The following TP63 variants were observed in gnomAD, a reference collection of about 807,000 sequenced individuals.
TP63 encodes tumor protein p63, also known as tumor protein 63.
A neutral mutation model predicts 82.8 loss-of-function variants in TP63; 17 were observed. The ratio of observed to expected loss-of-function variants is 0.21; its 90% CI spans 0.14 to 0.31. TP63 has a LOEUF of 0.31. TP63 is among the 10% of genes least tolerant of loss of function. The pLI is 1.00. For missense variants in TP63, 648 were observed against 895.3 expected (o/e 0.72, Z 3.52); for synonymous variants, 330 against 321.7 (o/e 1.03, Z -0.28).
intron 4 of TP63, among the ~76,000 whole-genome samples, chr3:189,835,457 G>C (rs1278528046): frequency 6.6e-6 from 1 of 152,096 alleles, no homozygotes; most frequent in Admixed American, 6.5e-5. Context: ...CAAATGAATA[G>C]AAATACTTAC....
chr3:189,875,652 T>C (rs1719126072), intron 10 of TP63, among the ~76,000 whole-genome samples: 1 of 120,378 alleles, frequency 8.3e-6, no homozygotes, highest in African/African-American at 3.1e-5. Context: ...TATTCTTAGC[T>C]TGCTGTAGTT....
chr3:189,755,531 A>G (rs1722125477), intron 3 of TP63, among the ~76,000 whole-genome samples: 1 of 151,994 alleles, frequency 6.6e-6, no homozygotes, highest in African/African-American at 2.4e-5. Context: ...CAAAACTTAA[A>G]TTTCCTCATT....
At chr3:189,712,125 A>G (rs751782772) in intron 1 of TP63, among the ~76,000 whole-genome samples, 9 of 152,202 alleles carry the variant, frequency 5.9e-5, no homozygotes, top group Non-Finnish European at 1.3e-4. Context: ...CACAAACACT[A>G]CAATAGGCAC....
intron 10 of TP63, among the ~76,000 whole-genome samples, chr3:189,875,495 G>C (rs957177265): frequency 3.3e-5 from 5 of 149,762 alleles, no homozygotes; most frequent in African/African-American, 1.2e-4. Context: ...GAACCTGGGA[G>C]GCAGAGGTTG....
chr3:189,809,361 A>G (rs1727284124), intron 4 of TP63, among the ~76,000 whole-genome samples: 1 of 152,208 alleles, frequency 6.6e-6, no homozygotes, highest in South Asian at 2.1e-4. Context: ...TTTCTTTTTC[A>G]TAACTAGATC....
At chr3:189,799,605 G>C (rs926806431) in intron 3 of TP63, among the ~76,000 whole-genome samples, 5 of 152,098 alleles carry the variant, frequency 3.3e-5, no homozygotes, top group Admixed American at 6.6e-5. Flanking sequence ...GAGCTACCAA[G>C]TATTACTCAT....
At chr3:189,823,000 C>A (rs1728952881) in intron 4 of TP63, among the ~76,000 whole-genome samples, 1 of 152,190 alleles carries the variant, frequency 6.6e-6, no homozygotes, top group South Asian at 2.1e-4. Flanking sequence ...GAGAAACAAT[C>A]AAGCAGCCTC....
chr3:189,858,134 G>A (rs1156735362), intron 4 of TP63, among the ~76,000 whole-genome samples: 55,195 of 89,218 alleles, frequency 0.62, 18,686 homozygotes, highest in Middle Eastern at 0.77. Context: ...GGCCGGGCGC[G>A]GTGGCTCACG....
At chr3:189,634,210 T>G (rs1050592327) in intron 1 of TP63, among the ~76,000 whole-genome samples, 1 of 152,102 alleles carries the variant, frequency 6.6e-6, no homozygotes, top group Admixed American at 6.6e-5. Flanking sequence ...ATAATCATAG[T>G]CATCTACATA....
intron 1 of TP63, among the ~76,000 whole-genome samples, chr3:189,653,343 G>T (rs779156900): frequency 3.9e-5 from 6 of 152,092 alleles, no homozygotes; most frequent in Non-Finnish European, 7.4e-5. Context: ...TAGCACATTT[G>T]TACTTTAGAT....
intron 13 of TP63, among the ~76,000 whole-genome samples, chr3:189,893,616 G>A (rs774114096): frequency 5.9e-5 from 9 of 152,148 alleles, no homozygotes; most frequent in Admixed American, 1.3e-4. Flanking sequence ...GCCGTTTCAG[G>A]TTCTGAGGAT....
intron 3 of TP63, among the ~76,000 whole-genome samples, chr3:189,765,256 A>T (rs1722850386): frequency 7.4e-6 from 1 of 135,150 alleles, no homozygotes; most frequent in African/African-American, 2.7e-5. Flanking sequence ...GAAAAAAAAA[A>T]TCAGTTTTGT....
chr3:189,752,513 G>T (rs1721896727), intron 3 of TP63, among the ~76,000 whole-genome samples: 1 of 152,124 alleles, frequency 6.6e-6, no homozygotes, highest in Non-Finnish European at 1.5e-5. Context: ...AATCTGTAAT[G>T]ATATCTTCCA....
At chr3:189,617,197 G>T in the TP63 span, among the ~76,000 whole-genome samples, 4 of 152,164 alleles carry the variant, frequency 2.6e-5, no homozygotes, top group Non-Finnish European at 5.9e-5. Flanking sequence ...TCTATTGTTT[G>T]CCCTGCCTGA....
intron 5 of TP63, 35 bp from the exon 6 acceptor site, chr3:189,866,647 A>C (rs34563218): frequency 1.3e-6 from 2 of 1,581,596 alleles, no homozygotes; most frequent in Non-Finnish European, 1.7e-6. Context: ...TTTTAAGGTA[A>C]AGAACTAACT....
intron 1 of TP63, among the ~76,000 whole-genome samples, chr3:189,705,556 T>C (rs899628591): frequency 2.6e-5 from 4 of 152,170 alleles, no homozygotes; most frequent in Admixed American, 1.3e-4. Flanking sequence ...TGCTCCTGAG[T>C]GCGAAGCAGC....
chr3:189,835,018 G>T (rs2108721385), intron 4 of TP63, among the ~76,000 whole-genome samples: 1 of 151,356 alleles, frequency 6.6e-6, no homozygotes, highest in Non-Finnish European at 1.5e-5. Context: ...CTGATCTTAT[G>T]GATCGTCCGA....
At chr3:189,771,131 T>C (rs112773142) in intron 3 of TP63, among the ~76,000 whole-genome samples, 2 of 151,216 alleles carry the variant, frequency 1.3e-5, no homozygotes, top group Non-Finnish European at 2.9e-5. Context: ...GTACCCATAA[T>C]ATTTTATACT....
At chr3:189,743,068 C>G (rs1302662008) in intron 3 of TP63, among the ~76,000 whole-genome samples, 2 of 151,956 alleles carry the variant, frequency 1.3e-5, no homozygotes, top group Non-Finnish European at 2.9e-5. Context: ...AAGACATAAA[C>G]TTTAAAAATT....
Sources: allele counts gnomAD v4.1 joint callset (sites outside exome capture counted in the v4.1 genomes callset), GRCh38; gene constraint gnomAD v4.1.1; transcripts MANE v1.5; gene names NCBI Gene and HGNC (gene_info 2026-07-23, HGNC 2026-07-21).